GALNT13: variants seen among roughly 807,000 people sequenced by gnomAD.
GALNT13 encodes polypeptide N-acetylgalactosaminyltransferase 13.
GALNT13 carries 28 observed loss-of-function variants against 64.2 expected under a neutral mutation model. The ratio of observed to expected loss-of-function variants is 0.44; its 90% CI spans 0.32 to 0.60. The LOEUF (loss-of-function observed/expected upper bound fraction) is 0.60. Ranked by LOEUF, GALNT13 falls within the 20% of genes least tolerant of loss-of-function variation. The pLI, the probability that GALNT13 is intolerant of heterozygous loss-of-function variation, is 0.05. For missense variants in GALNT13, 577 were observed against 669.8 expected (o/e 0.86, Z 1.53); for synonymous variants, 214 against 224.6 (o/e 0.95, Z 0.42).
At chr2:154,328,355 C>G (rs560238967) in intron 9 of GALNT13, among the ~76,000 whole-genome samples, 23 of 152,184 alleles carry the variant, frequency 1.5e-4, no homozygotes, top group African/African-American at 5.3e-4. Context: ...GTTTTTGATA[C>G]TCATCCACAC....
chr2:153,777,294 A>T, the GALNT13 span, among the ~76,000 whole-genome samples: 14 of 152,312 alleles, frequency 9.2e-5, no homozygotes, highest in Non-Finnish European at 1.5e-4. Flanking sequence ...AGGGCAGCAG[A>T]CACTTTCGAG....
the GALNT13 span, among the ~76,000 whole-genome samples, chr2:153,373,132 TTGTGTGTGTGTGTGTGTG>T: frequency 2.1e-4 from 32 of 148,850 alleles, 1 homozygote; most frequent in South Asian, 6.8e-3. Context: ...TTCTGTTGCT[TTGTGTGTGTGTGTGTGTG>T]TGTGTGTGTG....
the GALNT13 span, among the ~76,000 whole-genome samples, chr2:153,367,396 C>T: frequency 2.6e-5 from 4 of 151,974 alleles, no homozygotes; most frequent in African/African-American, 9.7e-5. Flanking sequence ...CATAATGATC[C>T]GTCAAGGTGT....
At chr2:153,333,521 A>G in the GALNT13 span, among the ~76,000 whole-genome samples, 3 of 152,124 alleles carry the variant, frequency 2.0e-5, no homozygotes, top group African/African-American at 4.8e-5. Context: ...TTTATGCACT[A>G]TCTTGCTATT....
chr2:154,052,959 G>A (rs1699715337), intron 3 of GALNT13, among the ~76,000 whole-genome samples: 1 of 151,958 alleles, frequency 6.6e-6, no homozygotes, highest in East Asian at 1.9e-4. Flanking sequence ...GGATGGTCTT[G>A]ATCTCCTGAC....
chr2:153,676,623 A>G, the GALNT13 span, among the ~76,000 whole-genome samples: 1 of 152,068 alleles, frequency 6.6e-6, no homozygotes, highest in East Asian at 1.9e-4. Context: ...CAAAATAGTA[A>G]CAAAGTGAAT....
At chr2:154,034,138 G>A (rs1319993267) in intron 3 of GALNT13, among the ~76,000 whole-genome samples, 3 of 152,082 alleles carry the variant, frequency 2.0e-5, no homozygotes, top group Non-Finnish European at 2.9e-5. Flanking sequence ...CAAGAGAAAT[G>A]AAAACTTAGG....
chr2:154,303,531 T>C (rs188866839), intron 9 of GALNT13, among the ~76,000 whole-genome samples: 1 of 152,110 alleles, frequency 6.6e-6, no homozygotes, highest in African/African-American at 2.4e-5. Context: ...AACTGCTCTT[T>C]GTTAGAAAAT....
the GALNT13 span, among the ~76,000 whole-genome samples, chr2:153,603,911 T>C: frequency 4.6e-5 from 7 of 152,030 alleles, no homozygotes; most frequent in African/African-American, 1.7e-4. Context: ...GAAGTTCTTA[T>C]GTTTTCTGTG....
At chr2:154,348,882 T>A (rs1259373418) in intron 9 of GALNT13, among the ~76,000 whole-genome samples, 6 of 152,138 alleles carry the variant, frequency 3.9e-5, no homozygotes, top group Non-Finnish European at 5.9e-5. Context: ...CCAGAAGTTT[T>A]TAAAGGGTCA....
the GALNT13 span, among the ~76,000 whole-genome samples, chr2:153,865,015 A>C: frequency 2.0e-5 from 3 of 149,814 alleles, no homozygotes; most frequent in Non-Finnish European, 3.0e-5. Context: ...GCCTACCTAC[A>C]ACTATCTGAT....
chr2:153,720,521 G>A, the GALNT13 span, among the ~76,000 whole-genome samples: 1 of 150,596 alleles, frequency 6.6e-6, no homozygotes, highest in Non-Finnish European at 1.5e-5. Flanking sequence ...CTGAGCTACG[G>A]GAGGACATTC....
At chr2:153,520,898 G>C in the GALNT13 span, among the ~76,000 whole-genome samples, 2 of 152,118 alleles carry the variant, frequency 1.3e-5, no homozygotes, top group Admixed American at 1.3e-4. Flanking sequence ...TTATTTTGTT[G>C]ATGAATATGA....
At chr2:153,829,551 G>T in the GALNT13 span, among the ~76,000 whole-genome samples, 2 of 151,998 alleles carry the variant, frequency 1.3e-5, no homozygotes, top group Non-Finnish European at 2.9e-5. Context: ...CCTCCTACTG[G>T]GTTCTTCCCA....
chr2:153,802,612 T>C, the GALNT13 span, among the ~76,000 whole-genome samples: 1 of 152,248 alleles, frequency 6.6e-6, no homozygotes, highest in Non-Finnish European at 1.5e-5. Flanking sequence ...TCAGTGGATA[T>C]GGATGCCAAT....
At chr2:153,550,725 T>G in the GALNT13 span, among the ~76,000 whole-genome samples, 1 of 152,226 alleles carries the variant, frequency 6.6e-6, no homozygotes, top group Non-Finnish European at 1.5e-5. Flanking sequence ...AATGCTTAAC[T>G]TTATACAATA....
chr2:153,822,221 G>A, the GALNT13 span, among the ~76,000 whole-genome samples: 5 of 152,062 alleles, frequency 3.3e-5, no homozygotes. Context: ...AGACTCTTCT[G>A]TAACCCATTC....
the GALNT13 span, among the ~76,000 whole-genome samples, chr2:153,678,320 C>T: frequency 6.6e-6 from 1 of 152,082 alleles, no homozygotes; most frequent in East Asian, 1.9e-4. Context: ...AAATGTGGTA[C>T]ATATACCCAT....
At chr2:153,127,946 T>G in the GALNT13 span, among the ~76,000 whole-genome samples, 1 of 152,232 alleles carries the variant, frequency 6.6e-6, no homozygotes, top group Non-Finnish European at 1.5e-5. Flanking sequence ...AATACTCATC[T>G]AGTGATTACA....
Sources: allele counts gnomAD v4.1 joint callset (sites outside exome capture counted in the v4.1 genomes callset), GRCh38; gene constraint gnomAD v4.1.1; transcripts MANE v1.5; gene names NCBI Gene and HGNC (gene_info 2026-07-23, HGNC 2026-07-21).